Variants in OXSR1 observed in about 807,000 individuals in gnomAD.
The protein encoded by OXSR1 is oxidative stress responsive kinase 1.
OXSR1 carries 24 observed loss-of-function variants against 79.8 expected under a neutral mutation model. The observed-to-expected ratio is 0.30, with a 90% CI of 0.22 to 0.42. OXSR1 has a LOEUF of 0.42. Ranked by LOEUF, OXSR1 falls within the 10% of genes least tolerant of loss-of-function variation. OXSR1 has a pLI of 1.00. For synonymous variants in OXSR1, 226 were observed against 209.2 expected (o/e 1.08, Z -0.69); for missense variants, 430 against 618.4 (o/e 0.70, Z 3.23).
At position 38,165,574 on chromosome 3, in the gene OXSR1, G is replaced by C. The variant is rs1701425482; in HGVS notation, c.-303G>C. ...GGGCTGGGGTGGAGGGCGGGACAGA[G>C]GGGCTGGGCCCAGGCAAAGCTTCTG... On this transcript the variant is annotated 5_prime_UTR_variant, in exon 1 of 18. Transcript: ENST00000311806. The C allele has an allele frequency of 2.5e-6, 1 of 395,450 alleles. No individual in the cohort carries two copies. Among genetic ancestry groups the C allele is most frequent in the South Asian group, 3.5e-5 (1 of 28,170 alleles). 24.5% of individuals were successfully genotyped at this position (395,450 alleles called of 1,614,324 possible).
In OXSR1 at chr3:38,216,158, A is replaced by T. The variant is rs1702478857; in HGVS notation, c.490+7A>T. 4 of 1,545,872 alleles carry T rather than the reference A, an allele frequency of 2.6e-6. No homozygotes were observed. The African/African-American group carries it at 5.5e-5, about 21-fold the overall frequency. On this transcript the variant is annotated splice_region_variant and intron_variant, in intron 5 of 17. Coordinates refer to ENST00000311806, the MANE Select transcript of OXSR1 (RefSeq NM_005109.3). ...GGCTCAGTACAGATTGCAGGTAATG[A>T]TTAGTATTTCTTTTTATTTGATTTA...
chr3:38,221,070 G>A (rs1702578623), intron 5 of OXSR1, among the ~76,000 whole-genome samples: 1 of 152,162 alleles, frequency 6.6e-6, no homozygotes, highest in Non-Finnish European at 1.5e-5. Flanking sequence ...GTTCTTGAGA[G>A]CTCTTTGAAT....
intron 7 of OXSR1, 39 bp downstream of exon 7, chr3:38,223,952 C>G: frequency 8.0e-7 from 1 of 1,256,822 alleles, no homozygotes; most frequent in East Asian, 2.4e-5. Context: ...AGCTCAAGTC[C>G]CAATTCCTTT....
At chr3:38,225,085 A>G (rs1702664558) in intron 8 of OXSR1, 1 of 153,282 alleles carries the variant, frequency 6.5e-6, no homozygotes, top group South Asian at 2.0e-4. Flanking sequence ...TAGTGTAATA[A>G]TCATACTTAT....
At chr3:38,213,988 A>T (rs1702436808) in intron 4 of OXSR1, among the ~76,000 whole-genome samples, 1 of 152,160 alleles carries the variant, frequency 6.6e-6, no homozygotes, top group Non-Finnish European at 1.5e-5. Context: ...TATGGTTTAG[A>T]TACACCACAG....
rs935761317 is a variant in OXSR1, at chr3:38,253,475, C to T, written c.*584C>T. On this transcript the variant is annotated 3_prime_UTR_variant, in exon 18 of 18. Coordinates refer to ENST00000311806, the MANE Select transcript of OXSR1 (RefSeq NM_005109.3). ...TTGTTTTGTTCATGGTGTTTCTAAG[C>T]GTTTTGCTGAAGCTGCTCTCAGGCA... The T allele has an allele frequency of 6.5e-6, 1 of 152,868 alleles. No homozygotes were observed. The highest frequency in any genetic ancestry group is 2.4e-5 in the African/African-American group (1 of 41,450). 9.5% of individuals were successfully genotyped at this position (152,868 alleles called of 1,614,324 possible).
chr3:38,219,240 T>TACAAA (rs756567146), intron 5 of OXSR1, among the ~76,000 whole-genome samples: 221 of 152,318 alleles, frequency 1.5e-3, no homozygotes, highest in Non-Finnish European at 2.5e-3. Context: ...AGCAGAGGTA[T>TACAAA]ACCAGCTGAA....
At chr3:38,203,985 C>T (rs144678967) in intron 4 of OXSR1, among the ~76,000 whole-genome samples, 2,760 of 151,966 alleles carry the variant, frequency 0.018, 33 homozygotes, top group Non-Finnish European at 0.023. Context: ...GGCCTGGAGT[C>T]GGAAACCTTA....
intron 4 of OXSR1, among the ~76,000 whole-genome samples, chr3:38,208,987 C>T (rs75936946): frequency 0.047 from 3,577 of 75,550 alleles, 112 homozygotes; most frequent in African/African-American, 0.14. Flanking sequence ...TGTGTGTGTG[C>T]GCGCGCGCGT....
intron 1 of OXSR1, among the ~76,000 whole-genome samples, chr3:38,175,739 G>T (rs1414395359): frequency 6.6e-6 from 1 of 152,224 alleles, no homozygotes; most frequent in Non-Finnish European, 1.5e-5. Flanking sequence ...TTAAGGAGAA[G>T]TTTCATCCAT....
In OXSR1 at chr3:38,236,977, C is replaced by G. The variant is rs936815354; in HGVS notation, c.1074+16C>G. The stretch of plus-strand genomic sequence containing the variant: ...ACAACTCAGGGTAAATTTTATTAAA[C>G]TGTGTACTTTAGCTAGAACTTTTTG... On this transcript the variant is annotated intron_variant, in intron 11 of 17. Coordinates refer to ENST00000311806, the MANE Select transcript of OXSR1 (RefSeq NM_005109.3). 2.5e-6 allele frequency: 4 copies of G among 1,606,336 alleles called. No individual in the cohort carries two copies. The highest frequency in any genetic ancestry group is 3.4e-5 in the Admixed American group (2 of 59,468).
intron 2 of OXSR1, among the ~76,000 whole-genome samples, chr3:38,185,076 C>T (rs1157140626): frequency 1.3e-5 from 2 of 149,992 alleles, no homozygotes; most frequent in South Asian, 2.1e-4. Flanking sequence ...GAACATTGAT[C>T]GCACCATTGC....
At chr3:38,200,181 T>C (rs1248240376) in intron 4 of OXSR1, among the ~76,000 whole-genome samples, 1 of 152,146 alleles carries the variant, frequency 6.6e-6, no homozygotes, top group Non-Finnish European at 1.5e-5. Flanking sequence ...ACTCCAAGTA[T>C]GGAGTCAGGG....
At chr3:38,244,690 T>C (rs1357470929) in intron 12 of OXSR1, among the ~76,000 whole-genome samples, 1 of 96,004 alleles carries the variant, frequency 1.0e-5, no homozygotes, top group East Asian at 2.8e-4. Flanking sequence ...CCACATTTTA[T>C]TCATCTGTCA....
intron 9 of OXSR1, among the ~76,000 whole-genome samples, chr3:38,230,015 T>A (rs1702772317): frequency 1.3e-5 from 2 of 152,202 alleles, no homozygotes; most frequent in South Asian, 4.1e-4. Flanking sequence ...AACTCTGGTT[T>A]TAAGGTTTAC....
rs1703307616 is a variant in OXSR1 at position 38,253,816 on chromosome 3, T to G, written c.*925T>G. On this transcript the variant is annotated 3_prime_UTR_variant, in exon 18 of 18. Coordinates refer to ENST00000311806, the MANE Select transcript of OXSR1 (RefSeq NM_005109.3). Reference sequence around the variant, plus strand: ...AGGAAATGGGTATGCAAGGCTGAGATTTCTACAGCAATAAAGGAGACACAC... The same window carrying G: ...AGGAAATGGGTATGCAAGGCTGAGAGTTCTACAGCAATAAAGGAGACACAC... The G allele has an allele frequency of 4.9e-6, 1 of 202,752 alleles. No individual in the cohort carries two copies. The highest frequency in any genetic ancestry group is 9.8e-6 in the Non-Finnish European group (1 of 101,560). The allele number at this position is 202,752 out of a possible 1,614,324, so 12.6% of individuals were successfully genotyped here. A position where few individuals can be genotyped will look rare whatever the true frequency, so the allele number is the denominator to read the frequency against.
chr3:38,202,525 A>G (rs979228871), intron 4 of OXSR1, among the ~76,000 whole-genome samples: 186 of 152,322 alleles, frequency 1.2e-3, no homozygotes, highest in African/African-American at 4.3e-3. Flanking sequence ...AACTACAGGC[A>G]TGTGCCACCA....
chr3:38,216,981 T>C (rs1299825452), intron 5 of OXSR1, among the ~76,000 whole-genome samples: 1 of 152,132 alleles, frequency 6.6e-6, no homozygotes, highest in Non-Finnish European at 1.5e-5. Flanking sequence ...TTTATTACTA[T>C]TAACAGAGTA....
chr3:38,168,343 C>T (rs575956128), intron 1 of OXSR1, among the ~76,000 whole-genome samples: 17 of 152,102 alleles, frequency 1.1e-4, no homozygotes, highest in Admixed American at 6.5e-4. Context: ...TGCTTTCTTA[C>T]GAGTTAATCC....
Sources: allele counts gnomAD v4.1 joint callset (sites outside exome capture counted in the v4.1 genomes callset), GRCh38; gene constraint gnomAD v4.1.1; transcripts MANE v1.5; gene names NCBI Gene and HGNC (gene_info 2026-07-23, HGNC 2026-07-21).